The following HRH2 variants were observed in gnomAD, a reference collection of about 807,000 sequenced individuals.
The protein encoded by HRH2 is histamine receptor H2.
HRH2 carries 4 observed loss-of-function variants against 20.1 expected under a neutral mutation model. That is an observed-to-expected ratio of 0.20 (90% CI 0.10 to 0.45). HRH2 has a LOEUF of 0.45. Ranked by LOEUF, HRH2 falls within the 20% of genes least tolerant of loss-of-function variation. The pLI, the probability that HRH2 is intolerant of heterozygous loss-of-function variation, is 0.99. For missense variants in HRH2, 250 were observed against 461.6 expected (o/e 0.54, Z 4.20); for synonymous variants, 197 against 200.7 (o/e 0.98, Z 0.16).
intron 1 of HRH2, among the ~76,000 whole-genome samples, chr5:175,676,444 G>A (rs547943562): frequency 2.6e-4 from 40 of 152,188 alleles, no homozygotes; most frequent in Non-Finnish European, 4.9e-4. Context: ...CTCTTCCTGT[G>A]TCTGAACTTC....
rs892755932 is a variant in HRH2, at chr5:175,683,839, C to T, written c.606C>T (p.Tyr202=). The T allele has an allele frequency of 5.0e-6, 8 of 1,614,072 alleles. No individual in the cohort carries two copies. In the African/African-American group the frequency reaches 9.3e-5, roughly 19 times the overall value. ...YLPLLIMCIT[Y]YRIFKVARDQ... is the part of the protein sequence containing the mutation. Reference sequence around the variant, plus strand: ...CGCTACTGATCATGTGCATCACCTACTACCGCATCTTCAAGGTCGCCCGGG... The same window carrying T: ...CGCTACTGATCATGTGCATCACCTATTACCGCATCTTCAAGGTCGCCCGGG... The change falls in exon 2 of 3, where the codon TAC becomes TAT. Residue 202 remains tyrosine (Y), a synonymous_variant. Coordinates refer to ENST00000636584, the MANE Select transcript of HRH2 (RefSeq NM_001367711.1).
chr5:175,700,499 C>T (rs1038400860), intron 2 of HRH2, among the ~76,000 whole-genome samples: 7 of 152,188 alleles, frequency 4.6e-5, no homozygotes, highest in Non-Finnish European at 1.0e-4. Context: ...ATAAGTGCCT[C>T]GGCAAAGGGG....
intron 1 of HRH2, among the ~76,000 whole-genome samples, chr5:175,672,669 G>A (rs1308441346): frequency 6.6e-6 from 1 of 152,222 alleles, no homozygotes; most frequent in African/African-American, 2.4e-5. Flanking sequence ...TTATGTGCCT[G>A]TTGGGGAGCA....
chr5:175,708,219 C>A lies in HRH2; in HGVS notation c.*248C>A, dbSNP rs1232370607. ...TGGGCTGAATCCCATGGGTTCAAAG[C>A]TCACGTTGGTGCTGGCCCTGGGAGT... On this transcript the variant is annotated 3_prime_UTR_variant, in exon 3 of 3. Transcript: ENST00000636584. 2 of 352,728 alleles carry A rather than the reference C, an allele frequency of 5.7e-6. No individual in the cohort carries two copies. Among genetic ancestry groups the A allele is most frequent in the Non-Finnish European group, 1.0e-5 (2 of 197,358 alleles). 21.8% of individuals were successfully genotyped at this position (352,728 alleles called of 1,614,324 possible).
At chr5:175,662,176 T>C (rs1046306295) in intron 1 of HRH2, among the ~76,000 whole-genome samples, 1 of 152,038 alleles carries the variant, frequency 6.6e-6, no homozygotes, top group African/African-American at 2.4e-5. Context: ...GGGTGAAGAC[T>C]GCCCAGAGGG....
At chr5:175,703,149 A>G (rs561484281) in intron 2 of HRH2, among the ~76,000 whole-genome samples, 1 of 152,342 alleles carries the variant, frequency 6.6e-6, no homozygotes, top group East Asian at 1.9e-4. Context: ...GAGAGTACCT[A>G]TTCCTTTCAG....
At position 175,695,798 on chromosome 5, in the gene HRH2, G is replaced by A. The variant is rs560475895; in HGVS notation, c.1076+11489G>A. On this transcript the variant is annotated intron_variant, in intron 2 of 2. Coordinates refer to ENST00000636584, the MANE Select transcript of HRH2 (RefSeq NM_001367711.1). Reference sequence around the variant, plus strand: ...GCCACCAGCATTTAAGGATGGGCCAGGGAACAGGGAAGAGGGGAGAGGAGT... The same window carrying A: ...GCCACCAGCATTTAAGGATGGGCCAAGGAACAGGGAAGAGGGGAGAGGAGT... Among the ~76,000 whole-genome samples the A allele has an allele frequency of 1.4e-4, 21 of 152,374 alleles. No homozygotes were observed. In the South Asian group the frequency reaches 4.3e-3, roughly 32 times the overall value.
chr5:175,697,150 C>T (rs115865196), intron 2 of HRH2, among the ~76,000 whole-genome samples: 2,395 of 152,272 alleles, frequency 0.016, 69 homozygotes, highest in African/African-American at 0.054. Context: ...TCACACATTT[C>T]GCCTGAAGTT....
At chr5:175,690,142 C>G (rs1188943607) in intron 2 of HRH2, among the ~76,000 whole-genome samples, 1 of 152,206 alleles carries the variant, frequency 6.6e-6, no homozygotes, top group Non-Finnish European at 1.5e-5. Context: ...TGCCCGGCCT[C>G]TATGAGTGCA....
chr5:175,679,475 A>T (rs1755884515), intron 1 of HRH2, among the ~76,000 whole-genome samples: 1 of 152,250 alleles, frequency 6.6e-6, no homozygotes, highest in East Asian at 1.9e-4. Flanking sequence ...AAGACCTTCC[A>T]GGCAGTGAAA....
At chr5:175,695,236 TAG>T (rs1756533892) in intron 2 of HRH2, among the ~76,000 whole-genome samples, 1 of 152,114 alleles carries the variant, frequency 6.6e-6, no homozygotes, top group Non-Finnish European at 1.5e-5. Context: ...TTGAGGCTGG[TAG>T]AGTCAGACTT....
At chr5:175,685,430 A>G (rs1756137372) in intron 2 of HRH2, 3 of 1,551,504 alleles carry the variant, frequency 1.9e-6, no homozygotes. Flanking sequence ...GCCTTCCAGA[A>G]TGCTGGTCTG....
In HRH2 at chr5:175,681,462, A is replaced by G. The variant is rs902092045; in HGVS notation, c.-525-1247A>G. On this transcript the variant is annotated intron_variant, in intron 1 of 2. Coordinates refer to ENST00000636584, the MANE Select transcript of HRH2 (RefSeq NM_001367711.1). The surrounding 1 kb of genome is among the most constrained non-coding windows in gnomAD (Gnocchi z 4.3). ...CGATTTCTGCACACACTCAGAGCTCAGGAGATTGCCTGCTCTCTGAAAAAC... is the reference window on the plus strand; with the variant it reads ...CGATTTCTGCACACACTCAGAGCTCGGGAGATTGCCTGCTCTCTGAAAAAC... Among the ~76,000 whole-genome samples the G allele has an allele frequency of 7.2e-5, 11 of 152,306 alleles. No individual in the cohort carries two copies. Among genetic ancestry groups the G allele is most frequent in the South Asian group, 4.1e-4 (2 of 4,828 alleles).
At chr5:175,704,030 C>T (rs183064473) in intron 2 of HRH2, 47 of 152,142 alleles carry the variant, frequency 3.1e-4, no homozygotes, top group African/African-American at 1.1e-3. Context: ...ATGAATAAAA[C>T]ACCAATAGTA....
chr5:175,683,407 G>C lies in HRH2; in HGVS notation c.174G>C (p.Val58=). ...GCAACCTGACCAATTGTTTCATCGT[G>C]TCCTTGGCTATCACTGACCTGCTCC... is the stretch of plus-strand genomic sequence containing the variant. ...RLRNLTNCFI[V]SLAITDLLLG... Residue 58 remains valine (V), a synonymous_variant, in exon 2 of 3, where the codon GTG becomes GTC. Coordinates refer to ENST00000636584, the MANE Select transcript of HRH2 (RefSeq NM_001367711.1). 6.2e-7 allele frequency: 1 copy of C among 1,614,192 alleles called. No homozygotes were observed. The highest frequency in any genetic ancestry group is 8.5e-7 in the Non-Finnish European group (1 of 1,180,036).
In HRH2 at chr5:175,683,199, GC is replaced by G; in HGVS notation, c.-32del. On this transcript the variant is annotated 5_prime_UTR_variant, in exon 2 of 3. Coordinates refer to ENST00000636584, the MANE Select transcript of HRH2 (RefSeq NM_001367711.1). The stretch of plus-strand genomic sequence containing the variant: ...GGGAGCAGAGAAGAAGCAACCAGGG[GC>G]CCTGATCAGGGGACTGAGCCGTAGA... The G allele has an allele frequency of 6.3e-7, 1 of 1,589,386 alleles. No homozygotes were observed. Among genetic ancestry groups the G allele is most frequent in the Non-Finnish European group, 8.6e-7 (1 of 1,164,682 alleles).
chr5:175,668,054 T>A (rs1350495533), intron 1 of HRH2, among the ~76,000 whole-genome samples: 1 of 152,174 alleles, frequency 6.6e-6, no homozygotes, highest in Non-Finnish European at 1.5e-5. Context: ...CAAAAACAAA[T>A]GCATTTAACA....
chr5:175,696,749 G>A (rs971718676), intron 2 of HRH2, among the ~76,000 whole-genome samples: 3 of 152,222 alleles, frequency 2.0e-5, no homozygotes, highest in African/African-American at 7.2e-5. Context: ...CCTACTGGCC[G>A]TGTGGCCCCC....
At chr5:175,671,034 T>C (rs1755517948) in intron 1 of HRH2, among the ~76,000 whole-genome samples, 1 of 152,238 alleles carries the variant, frequency 6.6e-6, no homozygotes, top group Admixed American at 6.5e-5. Context: ...AAGTGCCATG[T>C]TGGAAGTACA....
Sources: allele counts gnomAD v4.1 joint callset (sites outside exome capture counted in the v4.1 genomes callset), GRCh38; gene constraint gnomAD v4.1.1; non-coding constraint Gnocchi (gnomAD v3.1); transcripts MANE v1.5; gene names NCBI Gene and HGNC (gene_info 2026-07-23, HGNC 2026-07-21).